Variants in SGCD observed in about 807,000 individuals in gnomAD.
SGCD encodes delta-sarcoglycan.
SGCD carries 18 observed loss-of-function variants against 36.6 expected under a neutral mutation model. The observed-to-expected ratio is 0.49, with a 90% confidence interval of 0.34 to 0.73. The LOEUF is 0.73. SGCD is among the 30% of genes least tolerant of loss of function. SGCD has a pLI of 0.01. For missense variants in SGCD, 387 were observed against 346.7 expected, an observed-to-expected ratio of 1.12 and a Z score of -0.92; for synonymous variants, 133 against 130.6, an observed-to-expected ratio of 1.02 and a Z score of -0.12.
At chr5:156,363,845 T>C (rs1769940535) in intron 3 of SGCD, among the ~76,000 whole-genome samples, 3 of 152,212 alleles carry the variant, frequency 2.0e-5, no homozygotes, top group Admixed American at 2.0e-4. Context: ...AAAGGGGATG[T>C]CATTGCTTCA....
intron 1 of SGCD, among the ~76,000 whole-genome samples, chr5:155,977,580 A>G (rs1361413173): frequency 6.6e-6 from 1 of 152,132 alleles, no homozygotes; most frequent in African/African-American, 2.4e-5. Context: ...GGACTAGACT[A>G]TTTCACCCTT....
intron 3 of SGCD, among the ~76,000 whole-genome samples, chr5:156,258,642 A>G (rs1581200901): frequency 6.6e-6 from 1 of 152,214 alleles, no homozygotes; most frequent in Non-Finnish European, 1.5e-5. Context: ...AGGAGAGTGA[A>G]CACAGAGAAA....
chr5:156,280,892 A>T lies in SGCD; in HGVS notation c.-43-48642A>T, dbSNP rs375218758. ...TTCCCACTGCATTGTATTAATCGGAATAAAAGTCATTATTAGAGCAAACCC... is the reference window on the plus strand; with the variant it reads ...TTCCCACTGCATTGTATTAATCGGATTAAAAGTCATTATTAGAGCAAACCC... On this transcript the variant is annotated intron_variant, in intron 3 of 9. Coordinates refer to the SGCD transcript ENST00000517913. Among the ~76,000 whole-genome samples the T allele has an allele frequency of 2.3e-3, 354 of 152,290 alleles. 1 individual carries two copies. The highest frequency in any genetic ancestry group is 8.3e-3 in the African/African-American group (343 of 41,568).
intron 7 of SGCD, among the ~76,000 whole-genome samples, chr5:156,682,530 AG>A (rs571966373): frequency 6.6e-6 from 1 of 152,246 alleles, no homozygotes; most frequent in Non-Finnish European, 1.5e-5. Context: ...TAAATGCAAA[AG>A]TCTGTTCAGC....
rs73812576 is a variant in SGCD, at chr5:156,668,884, T to C, written c.575+21348T>C. Among the ~76,000 whole-genome samples the C allele has an allele frequency of 4.0e-3, 615 of 152,140 alleles. 2 individuals carry two copies. Among genetic ancestry groups the C allele is most frequent in the African/African-American group, 0.014 (569 of 41,534 alleles). Reference sequence around the variant, plus strand: ...CTTAAGGAAAGTCGAAAGCAAAGGGTCATTGCATATTTTCAATTGAGACTC... The same window carrying C: ...CTTAAGGAAAGTCGAAAGCAAAGGGCCATTGCATATTTTCAATTGAGACTC... On this transcript the variant is annotated intron_variant, in intron 7 of 8. Transcript: ENST00000337851.
At chr5:155,796,162 T>C in the SGCD span, among the ~76,000 whole-genome samples, 1 of 152,144 alleles carries the variant, frequency 6.6e-6, no homozygotes. Flanking sequence ...TTTTTCCAAG[T>C]GTGTACAAAT....
chr5:156,328,095 T>C (rs536617314), intron 1 of SGCD, among the ~76,000 whole-genome samples: 2 of 152,340 alleles, frequency 1.3e-5, no homozygotes, highest in African/African-American at 4.8e-5. Flanking sequence ...AAATCAAAGT[T>C]TTAAAAATTT....
At chr5:156,124,549 A>C (rs1455629373) in intron 3 of SGCD, among the ~76,000 whole-genome samples, 1 of 152,180 alleles carries the variant, frequency 6.6e-6, no homozygotes, top group East Asian at 1.9e-4. Context: ...TATTTTTTCT[A>C]GTTCAAATGA....
chr5:155,875,720 G>A (rs897165372), intron 1 of SGCD, among the ~76,000 whole-genome samples: 1 of 151,662 alleles, frequency 6.6e-6, no homozygotes, highest in South Asian at 2.1e-4. Flanking sequence ...TGGGTCAGAG[G>A]CAAAAGCATC....
chr5:156,686,068 T>C (rs1224650696), intron 7 of SGCD, among the ~76,000 whole-genome samples: 1 of 152,186 alleles, frequency 6.6e-6, no homozygotes, highest in Non-Finnish European at 1.5e-5. Flanking sequence ...ATTTTACTCT[T>C]CCATGAATTA....
chr5:155,923,969 G>A (rs1756942497), intron 1 of SGCD, among the ~76,000 whole-genome samples: 1 of 152,260 alleles, frequency 6.6e-6, no homozygotes, highest in South Asian at 2.1e-4. Context: ...TGTAAAATAG[G>A]TCCATAGAGC....
intron 4 of SGCD, among the ~76,000 whole-genome samples, chr5:156,509,261 C>T (rs1430522906): frequency 1.3e-5 from 2 of 152,018 alleles, no homozygotes; most frequent in Non-Finnish European, 2.9e-5. Flanking sequence ...CCTGTCTCTA[C>T]TAAAAATGCA....
chr5:156,492,449 C>T (rs890433303), intron 3 of SGCD, among the ~76,000 whole-genome samples: 4 of 152,020 alleles, frequency 2.6e-5, no homozygotes, highest in Non-Finnish European at 5.9e-5. Context: ...ATCAATATTT[C>T]GATTCCAGTC....
rs185298278 is a variant in SGCD, at chr5:156,753,270, C to T, written c.576-4311C>T. Among the ~76,000 whole-genome samples the T allele has an allele frequency of 1.7e-3, 256 of 152,346 alleles. 1 individual carries two copies. Among genetic ancestry groups the T allele is most frequent in the Non-Finnish European group, 2.5e-3 (170 of 68,032 alleles). On this transcript the variant is annotated intron_variant, in intron 7 of 8. Coordinates refer to ENST00000337851, the MANE Select transcript of SGCD (RefSeq NM_000337.6). ...CCCCCACCCTTCCTGGCCACTCCTC[C>T]TTTCTGCATCTCTTCAGTGAGGCTC...
chr5:156,001,358 G>A (rs967125816), intron 1 of SGCD, among the ~76,000 whole-genome samples: 5 of 152,046 alleles, frequency 3.3e-5, no homozygotes, highest in African/African-American at 9.7e-5. Flanking sequence ...TGTTTTATGG[G>A]GAACTGGCAA....
At chr5:156,201,745 G>T (rs555311215) in intron 3 of SGCD, among the ~76,000 whole-genome samples, 1 of 151,724 alleles carries the variant, frequency 6.6e-6, no homozygotes, top group South Asian at 2.1e-4. Flanking sequence ...AATCTAATAA[G>T]TGCTTTATCA....
At chr5:156,391,180 A>G (rs73293248) in intron 3 of SGCD, among the ~76,000 whole-genome samples, 13,018 of 152,270 alleles carry the variant, frequency 0.085, 1,791 homozygotes, top group African/African-American at 0.29. Flanking sequence ...ATACACAAAA[A>G]CTTCCCATTG....
chr5:156,272,153 T>C (rs1441006904), intron 3 of SGCD, among the ~76,000 whole-genome samples: 1 of 152,156 alleles, frequency 6.6e-6, no homozygotes, highest in African/African-American at 2.4e-5. Context: ...TTGTCTGTTA[T>C]CCCTTACACC....
At chr5:155,785,872 G>A in the SGCD span, among the ~76,000 whole-genome samples, 1 of 152,276 alleles carries the variant, frequency 6.6e-6, no homozygotes, top group East Asian at 1.9e-4. Flanking sequence ...TAAATAACCT[G>A]TGTGGTCCAG....
Sources: allele counts gnomAD v4.1 joint callset (sites outside exome capture counted in the v4.1 genomes callset), GRCh38; gene constraint gnomAD v4.1.1; transcripts MANE v1.5; gene names NCBI Gene and HGNC (gene_info 2026-07-23, HGNC 2026-07-21).